CHCHD3: variants seen among roughly 807,000 people sequenced by gnomAD.
CHCHD3 encodes the protein coiled-coil-helix-coiled-coil-helix domain containing 3.
A neutral mutation model predicts 38.2 loss-of-function variants in CHCHD3; 20 were observed. The observed-to-expected ratio is 0.52, with a 90% CI of 0.37 to 0.76. The LOEUF is 0.76. CHCHD3 is among the 30% of genes least tolerant of loss of function. The probability of loss-of-function intolerance (pLI) is 0.00; values close to 1 mark genes in which losing one functional copy is unlikely to be tolerated. For missense variants in CHCHD3, 245 were observed against 279.2 expected (o/e 0.88, Z 0.87); for synonymous variants, 82 against 100.0 (o/e 0.82, Z 1.07).
At chr7:132,847,438 A>T (rs1808103791) in intron 5 of CHCHD3, 1 of 152,298 alleles carries the variant, frequency 6.6e-6, no homozygotes, top group East Asian at 1.9e-4. Context: ...TCTCTCCTTA[A>T]ACTAATTTGG....
chr7:132,871,623 G>A (rs1017888595), intron 5 of CHCHD3, among the ~76,000 whole-genome samples: 5 of 152,208 alleles, frequency 3.3e-5, no homozygotes, highest in East Asian at 1.9e-4. Context: ...CGCTGCCCAC[G>A]TCACATCACA....
intron 6 of CHCHD3, among the ~76,000 whole-genome samples, chr7:132,824,056 A>G (rs1254206842): frequency 1.3e-5 from 2 of 152,172 alleles, no homozygotes; most frequent in African/African-American, 4.8e-5. Context: ...TTTGCTCTCA[A>G]TCAATATGGC....
chr7:133,019,525 A>T (rs1434065690), intron 3 of CHCHD3, among the ~76,000 whole-genome samples: 1 of 152,200 alleles, frequency 6.6e-6, no homozygotes, highest in African/African-American at 2.4e-5. Flanking sequence ...ATTTATGACT[A>T]ATTTATTAAA....
chr7:133,026,818 G>GAAA (rs1023866417), intron 2 of CHCHD3, among the ~76,000 whole-genome samples: 13 of 152,266 alleles, frequency 8.5e-5, no homozygotes, highest in African/African-American at 3.1e-4. Flanking sequence ...GTCCAGAATA[G>GAAA]AAAAGTCCAT....
At chr7:133,051,409 C>G (rs1814159370) in intron 2 of CHCHD3, among the ~76,000 whole-genome samples, 1 of 152,120 alleles carries the variant, frequency 6.6e-6, no homozygotes, top group African/African-American at 2.4e-5. Flanking sequence ...TTGACAGTAC[C>G]CTTTTAACTA....
chr7:133,058,359 G>A (rs1020075339), intron 2 of CHCHD3, among the ~76,000 whole-genome samples: 3 of 151,852 alleles, frequency 2.0e-5, no homozygotes, highest in Non-Finnish European at 4.4e-5. Flanking sequence ...TCCTGCCTTG[G>A]TCTCCCAAAG....
chr7:132,873,298 G>GT (rs761057985), intron 5 of CHCHD3, among the ~76,000 whole-genome samples: 11 of 152,124 alleles, frequency 7.2e-5, no homozygotes, highest in Non-Finnish European at 1.3e-4. Context: ...AAATCAACTG[G>GT]TTGCCTGGCA....
At chr7:132,950,479 C>T (rs1021601457) in intron 4 of CHCHD3, among the ~76,000 whole-genome samples, 1 of 152,016 alleles carries the variant, frequency 6.6e-6, no homozygotes, top group Non-Finnish European at 1.5e-5. Context: ...TGGCATATAC[C>T]TTACAAAACA....
chr7:132,807,606 A>AATATATATATATATATAT (rs55835343), intron 6 of CHCHD3, among the ~76,000 whole-genome samples: 30 of 108,920 alleles, frequency 2.8e-4, no homozygotes, highest in Non-Finnish European at 4.2e-4. Flanking sequence ...CATACACATA[A>AATATATATATATATATAT]ATATATATAT....
chr7:133,077,930 G>A lies in CHCHD3; in HGVS notation c.81+3927C>T, dbSNP rs181663043. 6.1e-3 allele frequency among the ~76,000 whole-genome samples: 927 copies of A among 152,322 alleles called. 9 individuals are homozygous for A. The highest frequency in any genetic ancestry group is 0.01 in the Non-Finnish European group (697 of 68,016). Reference sequence around the variant, plus strand: ...TACCATGAAAAATAACACCTGGTAGGTGAGAAGAAATTTTAAACTTAAAAT... The same window carrying A: ...TACCATGAAAAATAACACCTGGTAGATGAGAAGAAATTTTAAACTTAAAAT... On this transcript the variant is annotated intron_variant, in intron 1 of 7. Coordinates refer to ENST00000262570, the MANE Select transcript of CHCHD3 (RefSeq NM_017812.4).
At chr7:132,844,130 T>C (rs1808011237) in intron 5 of CHCHD3, among the ~76,000 whole-genome samples, 2 of 152,178 alleles carry the variant, frequency 1.3e-5, no homozygotes, top group Non-Finnish European at 2.9e-5. Context: ...TGAAACCTCA[T>C]CTCTACTAAA....
chr7:132,962,354 T>A (rs1207457080), intron 4 of CHCHD3, among the ~76,000 whole-genome samples: 1 of 152,204 alleles, frequency 6.6e-6, no homozygotes, highest in African/African-American at 2.4e-5. Flanking sequence ...AACTCCTATA[T>A]TTAGATATTT....
chr7:133,009,630 G>T (rs1014965158), intron 3 of CHCHD3, among the ~76,000 whole-genome samples: 1 of 152,016 alleles, frequency 6.6e-6, no homozygotes, highest in Non-Finnish European at 1.5e-5. Context: ...TGAATCTAAG[G>T]CACCAAATGT....
chr7:132,917,674 C>A (rs962176701), intron 4 of CHCHD3, among the ~76,000 whole-genome samples: 1 of 151,834 alleles, frequency 6.6e-6, no homozygotes, highest in Non-Finnish European at 1.5e-5. Flanking sequence ...CTGGTTAACA[C>A]GGTGAAACCC....
chr7:133,051,184 C>G (rs1401927357), intron 2 of CHCHD3, among the ~76,000 whole-genome samples: 2 of 152,180 alleles, frequency 1.3e-5, no homozygotes, highest in African/African-American at 4.8e-5. Flanking sequence ...TAAACTTCTC[C>G]AAACACTGAC....
In CHCHD3 at chr7:132,869,866, A is replaced by T. The variant is rs1361462645; in HGVS notation, c.453+15796T>A. Among the ~76,000 whole-genome samples, 3 of 151,956 alleles carry T rather than the reference A, an allele frequency of 2.0e-5. No individual in the cohort carries two copies. In the East Asian group the frequency reaches 5.8e-4, roughly 29 times the overall value. Reference sequence around the variant, plus strand: ...CCAAAGTGCTGGGATTATAGGCATGAGCCACCATACCTGGCAGAGAAATCC... The same window carrying T: ...CCAAAGTGCTGGGATTATAGGCATGTGCCACCATACCTGGCAGAGAAATCC... On this transcript the variant is annotated intron_variant, in intron 5 of 7. Coordinates refer to ENST00000262570, the MANE Select transcript of CHCHD3 (RefSeq NM_017812.4).
intron 4 of CHCHD3, among the ~76,000 whole-genome samples, chr7:132,899,313 C>T (rs1197564321): frequency 6.6e-6 from 1 of 152,158 alleles, no homozygotes; most frequent in Non-Finnish European, 1.5e-5. Flanking sequence ...GAAGATCATA[C>T]GCAGCTCTGG....
At chr7:132,844,115 C>T (rs1337092982) in intron 5 of CHCHD3, among the ~76,000 whole-genome samples, 2 of 152,204 alleles carry the variant, frequency 1.3e-5, no homozygotes, top group Non-Finnish European at 2.9e-5. Flanking sequence ...GCCAGGATAA[C>T]GTGGTGAAAC....
chr7:132,807,815 T>G (rs1317385549), intron 6 of CHCHD3, among the ~76,000 whole-genome samples: 2 of 151,740 alleles, frequency 1.3e-5, no homozygotes, highest in African/African-American at 4.8e-5. Flanking sequence ...TATTTACATT[T>G]TCTATCATGT....
Sources: gnomAD v4.1 joint callset for allele counts (sites outside exome capture counted in the v4.1 genomes callset) on GRCh38, gnomAD v4.1.1 for gene constraint, MANE v1.5 for transcripts, NCBI Gene and HGNC (gene_info 2026-07-23, HGNC 2026-07-21) for gene names.